RPS6KC1: variants seen among roughly 807,000 people sequenced by gnomAD.
RPS6KC1 encodes ribosomal protein S6 kinase C1, also known as inactive ribosomal protein S6 kinase delta-1.
In RPS6KC1, 54 loss-of-function variants were observed where a neutral mutation model predicts 103.8. The ratio of observed to expected loss-of-function variants is 0.52; its 90% CI spans 0.42 to 0.65. The LOEUF (loss-of-function observed/expected upper bound fraction) is 0.65. Ranked by LOEUF, RPS6KC1 falls within the 30% of genes least tolerant of loss-of-function variation. The pLI is 0.00. For missense variants in RPS6KC1, 1,151 were observed against 1,253.8 expected (o/e 0.92, Z 1.24); for synonymous variants, 439 against 438.7 (o/e 1.00, Z -0.01).
intron 10 of RPS6KC1, among the ~76,000 whole-genome samples, chr1:213,237,002 T>C (rs1211708225): frequency 6.6e-6 from 1 of 152,152 alleles, no homozygotes; most frequent in Admixed American, 6.5e-5. Context: ...AAATAGGTAC[T>C]CTTTTAACAG....
chr1:213,752,412 A>G, the RPS6KC1 span, among the ~76,000 whole-genome samples: 1 of 152,198 alleles, frequency 6.6e-6, no homozygotes, highest in Non-Finnish European at 1.5e-5. Context: ...ATTATTGACA[A>G]ATCGATGCCA....
chr1:213,718,406 T>C, the RPS6KC1 span, among the ~76,000 whole-genome samples: 2 of 152,214 alleles, frequency 1.3e-5, 1 homozygote, highest in Non-Finnish European at 2.9e-5. Flanking sequence ...CTGAGCCCTA[T>C]GAGGTTGAGT....
At chr1:213,620,049 A>G in the RPS6KC1 span, among the ~76,000 whole-genome samples, 2 of 152,242 alleles carry the variant, frequency 1.3e-5, no homozygotes, top group Non-Finnish European at 2.9e-5. Context: ...CGTAAGTAGA[A>G]GAACTAACAT....
chr1:213,189,935 A>G (rs2092688900), intron 8 of RPS6KC1, among the ~76,000 whole-genome samples: 5 of 152,158 alleles, frequency 3.3e-5, no homozygotes, highest in Non-Finnish European at 7.4e-5. Flanking sequence ...TATTTCACTT[A>G]ATGTAATTTG....
In RPS6KC1 at chr1:213,158,669, T is replaced by C. The variant is rs184477005; in HGVS notation, c.836-9189T>C. On this transcript the variant is annotated intron_variant, in intron 6 of 14. Transcript: ENST00000366960. ...GACACATAGAGCTACTTCTCCAGTA[T>C]TTTTTTTTAAACTTTTTTTGAAAAC... is the stretch of plus-strand genomic sequence containing the variant. 3.5e-4 allele frequency among the ~76,000 whole-genome samples: 53 copies of C among 151,728 alleles called. 1 individual carries two copies. The highest frequency in any genetic ancestry group is 8.8e-5 in the Non-Finnish European group (6 of 67,866).
At chr1:213,387,643 T>G in the RPS6KC1 span, among the ~76,000 whole-genome samples, 1 of 152,326 alleles carries the variant, frequency 6.6e-6, no homozygotes, top group Admixed American at 6.5e-5. Flanking sequence ...ACCTTCAAAT[T>G]TAGTGTTTGA....
intron 9 of RPS6KC1, among the ~76,000 whole-genome samples, chr1:213,231,705 T>G (rs755519458): frequency 2.6e-4 from 40 of 152,296 alleles, no homozygotes; most frequent in Middle Eastern, 6.8e-3. Context: ...GGATAGGATT[T>G]TAAAATTGCC....
chr1:213,137,024 C>A (rs1205940538), intron 6 of RPS6KC1, among the ~76,000 whole-genome samples: 1 of 152,146 alleles, frequency 6.6e-6, no homozygotes, highest in Non-Finnish European at 1.5e-5. Context: ...CCATTCCTTA[C>A]AAGGGCAGGG....
chr1:213,742,683 G>T, the RPS6KC1 span, among the ~76,000 whole-genome samples: 1 of 152,370 alleles, frequency 6.6e-6, no homozygotes, highest in African/African-American at 2.4e-5. Flanking sequence ...CCCATGTGGG[G>T]CTCTTGCCCA....
At chr1:213,618,313 A>G in the RPS6KC1 span, among the ~76,000 whole-genome samples, 1 of 152,206 alleles carries the variant, frequency 6.6e-6, no homozygotes, top group African/African-American at 2.4e-5. Context: ...GAGAACACTG[A>G]ATGAGATCAC....
chr1:213,770,486 A>G, the RPS6KC1 span, among the ~76,000 whole-genome samples: 1 of 152,222 alleles, frequency 6.6e-6, no homozygotes, highest in African/African-American at 2.4e-5. Context: ...TGGAGTGCAT[A>G]GGAATACTTG....
chr1:213,176,523 G>A (rs753004485), intron 8 of RPS6KC1, 31 bp downstream of exon 8: 1 of 1,397,250 alleles, frequency 7.2e-7, no homozygotes, highest in Non-Finnish European at 1.0e-6. Flanking sequence ...CAAGAGTTCA[G>A]TCATAAATCG....
At chr1:213,717,948 T>C in the RPS6KC1 span, among the ~76,000 whole-genome samples, 1 of 152,116 alleles carries the variant, frequency 6.6e-6, no homozygotes, top group African/African-American at 2.4e-5. Context: ...CCATTATTTC[T>C]CACAGCAGAT....
chr1:213,174,838 C>G (rs2091759108), intron 7 of RPS6KC1, among the ~76,000 whole-genome samples: 1 of 151,976 alleles, frequency 6.6e-6, no homozygotes, highest in Admixed American at 6.5e-5. Context: ...GTACCTAGCT[C>G]AGCACCTCAT....
intron 7 of RPS6KC1, among the ~76,000 whole-genome samples, chr1:213,175,156 A>T (rs1237687222): frequency 2.0e-5 from 3 of 152,082 alleles, no homozygotes; most frequent in Admixed American, 6.5e-5. Context: ...CCCTCCCTAG[A>T]TTCCCTCCTT....
At chr1:213,566,678 A>G in the RPS6KC1 span, among the ~76,000 whole-genome samples, 1 of 150,086 alleles carries the variant, frequency 6.7e-6, no homozygotes, top group Non-Finnish European at 1.5e-5. Flanking sequence ...TTTTCAGTTT[A>G]CTGACTCTCT....
chr1:213,301,706 T>C, the RPS6KC1 span, among the ~76,000 whole-genome samples: 7,728 of 114,162 alleles, frequency 0.068, 289 homozygotes, highest in South Asian at 0.09. Flanking sequence ...TACTTATTTA[T>C]TTATTTATTT....
chr1:213,199,603 C>G (rs1014035904), intron 8 of RPS6KC1, among the ~76,000 whole-genome samples: 1 of 152,314 alleles, frequency 6.6e-6, no homozygotes, highest in South Asian at 2.1e-4. Flanking sequence ...AGGATGCCCT[C>G]CCTTGCCACT....
At chr1:213,726,253 T>A in the RPS6KC1 span, among the ~76,000 whole-genome samples, 1 of 152,198 alleles carries the variant, frequency 6.6e-6, no homozygotes, top group Non-Finnish European at 1.5e-5. Flanking sequence ...ATCTGGCTAA[T>A]TTTTAATTTT....
Sources: gnomAD v4.1 joint callset for allele counts (sites outside exome capture counted in the v4.1 genomes callset) on GRCh38, gnomAD v4.1.1 for gene constraint, MANE v1.5 for transcripts, NCBI Gene and HGNC (gene_info 2026-07-23, HGNC 2026-07-21) for gene names.